CTNNA3: variants seen among roughly 807,000 people sequenced by gnomAD.
CTNNA3 encodes catenin alpha 3.
CTNNA3 carries 76 observed loss-of-function variants against 95.7 expected under a neutral mutation model. The ratio of observed to expected loss-of-function variants is 0.79; its 90% CI spans 0.66 to 0.96. The LOEUF (loss-of-function observed/expected upper bound fraction) is 0.96. Ranked by LOEUF, CTNNA3 falls within the 40% of genes least tolerant of loss-of-function variation. CTNNA3 has a pLI of 0.00. For synonymous variants in CTNNA3, 431 were observed against 374.4 expected, an observed-to-expected ratio of 1.15 and a Z score of -1.74; for missense variants, 1,191 against 1,089.8, an observed-to-expected ratio of 1.09 and a Z score of -1.31.
chr10:66,111,855 A>G (rs1778493921), intron 13 of CTNNA3, among the ~76,000 whole-genome samples: 1 of 152,170 alleles, frequency 6.6e-6, no homozygotes, highest in Non-Finnish European at 1.5e-5. Flanking sequence ...TCCTAACTAA[A>G]CTAGTTGTTT....
At chr10:66,367,105 T>C (rs1207439038) in intron 12 of CTNNA3, among the ~76,000 whole-genome samples, 1 of 152,116 alleles carries the variant, frequency 6.6e-6, no homozygotes, top group Non-Finnish European at 1.5e-5. Context: ...ACACAGGATG[T>C]GCTTCATCTC....
chr10:66,620,369 C>T (rs942461073), intron 10 of CTNNA3, among the ~76,000 whole-genome samples: 3 of 151,846 alleles, frequency 2.0e-5, no homozygotes, highest in Admixed American at 2.0e-4. Context: ...TAACAAAAAT[C>T]GGAAAATTGG....
intron 5 of CTNNA3, among the ~76,000 whole-genome samples, chr10:67,343,815 T>C (rs1414004902): frequency 6.6e-6 from 1 of 151,652 alleles, no homozygotes; most frequent in Non-Finnish European, 1.5e-5. Context: ...GAAGTGAGCA[T>C]CTTTGTGTGT....
chr10:66,940,785 CAAAAA>C (rs879777054), intron 7 of CTNNA3, among the ~76,000 whole-genome samples: 1 of 143,480 alleles, frequency 7.0e-6, no homozygotes, highest in African/African-American at 2.5e-5. Flanking sequence ...CTGGTTTAAA[CAAAAA>C]AAAAAACTTA....
chr10:66,654,332 G>A (rs980243643), intron 9 of CTNNA3, among the ~76,000 whole-genome samples: 1 of 151,930 alleles, frequency 6.6e-6, no homozygotes, highest in Non-Finnish European at 1.5e-5. Context: ...ATGCACACTG[G>A]CCAACATGTA....
intron 1 of CTNNA3, among the ~76,000 whole-genome samples, chr10:67,758,311 TATAA>T (rs1033880495): frequency 2.7e-5 from 2 of 73,632 alleles, no homozygotes; most frequent in African/African-American, 1.2e-4. Context: ...CACACATATA[TATAA>T]ATATATATAC....
At chr10:67,635,071 A>C (rs1839261402) in intron 2 of CTNNA3, among the ~76,000 whole-genome samples, 1 of 152,142 alleles carries the variant, frequency 6.6e-6, no homozygotes, top group African/African-American at 2.4e-5. Flanking sequence ...GAAAATCTAG[A>C]AGAAATGGAT....
chr10:66,855,584 T>C (rs1334149881), intron 7 of CTNNA3, among the ~76,000 whole-genome samples: 1 of 151,958 alleles, frequency 6.6e-6, no homozygotes, highest in African/African-American at 2.4e-5. Flanking sequence ...CAAGGCCAAA[T>C]CCATGTTTAT....
At chr10:67,012,490 T>C (rs1399956048) in intron 7 of CTNNA3, 1 of 152,240 alleles carries the variant, frequency 6.6e-6, no homozygotes, top group Non-Finnish European at 1.5e-5. Flanking sequence ...GATTTTAGAA[T>C]GATGAAAACC....
intron 7 of CTNNA3, among the ~76,000 whole-genome samples, chr10:66,833,845 G>A (rs1842805790): frequency 6.6e-6 from 1 of 152,074 alleles, no homozygotes; most frequent in African/African-American, 2.4e-5. Flanking sequence ...CACGAATCCT[G>A]TTTCAAGTAT....
chr10:66,926,407 T>C, intron 7 of CTNNA3: 1 of 696,758 alleles, frequency 1.4e-6, no homozygotes, highest in East Asian at 2.5e-5. Flanking sequence ...TGGAGTGTTC[T>C]GCGTGGCTGG....
chr10:67,190,485 T>G (rs10997562), intron 6 of CTNNA3, among the ~76,000 whole-genome samples: 22,754 of 151,844 alleles, frequency 0.15, 2,415 homozygotes, highest in African/African-American at 0.31. Flanking sequence ...GTTTTAATTT[T>G]TTAATAACTA....
At chr10:67,517,565 T>C (rs1839858557) in intron 5 of CTNNA3, among the ~76,000 whole-genome samples, 1 of 152,086 alleles carries the variant, frequency 6.6e-6, no homozygotes, top group African/African-American at 2.4e-5. Flanking sequence ...AAAAGTACCA[T>C]GTGCTGAACA....
upstream of CTNNA3, among the ~76,000 whole-genome samples, chr10:67,699,000 C>A (rs753728072): frequency 6.6e-6 from 1 of 152,038 alleles, no homozygotes; most frequent in African/African-American, 2.4e-5. Context: ...TAACACCGAG[C>A]CTCATCTTCT....
chr10:67,700,477 G>A (rs145742622), upstream of CTNNA3, among the ~76,000 whole-genome samples: 29 of 152,242 alleles, frequency 1.9e-4, no homozygotes, highest in East Asian at 1.2e-3. Flanking sequence ...ACGAAAATCC[G>A]CTGTTTTGCA....
chr10:66,207,687 G>A (rs1248320307), intron 13 of CTNNA3, among the ~76,000 whole-genome samples: 3 of 151,996 alleles, frequency 2.0e-5, no homozygotes, highest in African/African-American at 7.2e-5. Flanking sequence ...AGTGAGAAAA[G>A]GAGTAGGCAA....
chr10:66,425,892 A>G (rs12252714), intron 11 of CTNNA3, among the ~76,000 whole-genome samples: 5 of 151,806 alleles, frequency 3.3e-5, no homozygotes, highest in Non-Finnish European at 5.9e-5. Flanking sequence ...CGTTCCCCAT[A>G]CAGACCCACT....
intron 13 of CTNNA3, among the ~76,000 whole-genome samples, chr10:66,258,170 A>C (rs563767041): frequency 6.6e-6 from 1 of 152,262 alleles, no homozygotes; most frequent in Non-Finnish European, 1.5e-5. Context: ...GACCCTACTA[A>C]TCTGTAGTCC....
chr10:66,143,297 A>C (rs2083709484), intron 13 of CTNNA3, among the ~76,000 whole-genome samples: 1 of 152,148 alleles, frequency 6.6e-6, no homozygotes, highest in South Asian at 2.1e-4. Flanking sequence ...CTGAAATAGA[A>C]AGGAGTATAC....
Sources: gnomAD v4.1 joint callset for allele counts (sites outside exome capture counted in the v4.1 genomes callset) on GRCh38, gnomAD v4.1.1 for gene constraint, MANE v1.5 for transcripts, NCBI Gene and HGNC (gene_info 2026-07-23, HGNC 2026-07-21) for gene names.